Variants in CCDC178 observed in about 807,000 individuals in gnomAD.
CCDC178 encodes the protein coiled-coil domain-containing protein 178.
Under a neutral mutation model 117.4 loss-of-function variants are expected in CCDC178, and 126 were observed. The ratio of observed to expected loss-of-function variants is 1.07; its 90% CI spans 0.93 to 1.24. CCDC178 has a LOEUF of 1.24. Ranked by LOEUF, CCDC178 falls within the 50% of genes most tolerant of loss-of-function variation. The pLI is 0.00. For missense variants in CCDC178, 1,030 were observed against 986.9 expected, an observed-to-expected ratio of 1.04 and a Z score of -0.59; for synonymous variants, 283 against 313.4, an observed-to-expected ratio of 0.90 and a Z score of 1.02.
intron 21 of CCDC178, among the ~76,000 whole-genome samples, chr18:33,029,262 T>C (rs1398558896): frequency 2.0e-5 from 3 of 152,012 alleles, no homozygotes; most frequent in Non-Finnish European, 2.9e-5. Flanking sequence ...TTTCTAGGAA[T>C]ACATGAGTCT....
At chr18:33,284,877 G>A (rs1270373737) in intron 12 of CCDC178, among the ~76,000 whole-genome samples, 1 of 151,638 alleles carries the variant, frequency 6.6e-6, no homozygotes, top group Non-Finnish European at 1.5e-5. Context: ...AGAATATCAG[G>A]AAATGCAACT....
Position 33,406,161 on chromosome 18 carries a change from T to C in CCDC178, c.58+5870A>G, listed in dbSNP as rs1433137264. ...AATGTACAAAATACATATGTATAAA[T>C]GCATTTAAATATAAAAATGTAATGA... On this transcript the variant is annotated intron_variant, in intron 3 of 22. Coordinates refer to ENST00000383096, the MANE Select transcript of CCDC178 (RefSeq NM_001105528.4). Among the ~76,000 whole-genome samples, 20 of 152,056 alleles carry C rather than the reference T, an allele frequency of 1.3e-4. 1 individual carries two copies. The highest frequency in any genetic ancestry group is 1.3e-3 in the Admixed American group (20 of 15,242).
chr18:33,030,400 C>G (rs187204168), intron 21 of CCDC178, among the ~76,000 whole-genome samples: 3 of 152,040 alleles, frequency 2.0e-5, no homozygotes, highest in Admixed American at 2.0e-4. Flanking sequence ...ATGTTTTCTC[C>G]TCACCCAATC....
chr18:33,132,746 G>A (rs1191591315), intron 20 of CCDC178, among the ~76,000 whole-genome samples: 1 of 151,636 alleles, frequency 6.6e-6, no homozygotes. Flanking sequence ...CATTAACAGA[G>A]TAATTCCACA....
At chr18:33,396,867 T>C (rs1307711315) in intron 4 of CCDC178, among the ~76,000 whole-genome samples, 6 of 152,098 alleles carry the variant, frequency 3.9e-5, no homozygotes, top group Non-Finnish European at 7.4e-5. Flanking sequence ...TGCTTCCTCA[T>C]AATCATTTAT....
intron 2 of CCDC178, among the ~76,000 whole-genome samples, chr18:33,428,730 C>CAAAAA (rs35234261): frequency 7.1e-5 from 3 of 42,356 alleles, no homozygotes; most frequent in African/African-American, 9.0e-5. Context: ...GACTCTGTCT[C>CAAAAA]AAAAAAAAAA....
At chr18:33,003,606 C>A (rs1404187952) in intron 21 of CCDC178, among the ~76,000 whole-genome samples, 2 of 152,048 alleles carry the variant, frequency 1.3e-5, no homozygotes, top group East Asian at 3.8e-4. Context: ...CTGAGTCCTT[C>A]CTCTAAGATC....
At chr18:33,009,895 G>C (rs1485733198) in intron 21 of CCDC178, among the ~76,000 whole-genome samples, 1 of 152,080 alleles carries the variant, frequency 6.6e-6, no homozygotes, top group East Asian at 1.9e-4. Context: ...TTTATCTCAT[G>C]ATCTTTTTTA....
At chr18:33,098,901 T>C (rs1287671777) in intron 20 of CCDC178, among the ~76,000 whole-genome samples, 1 of 152,000 alleles carries the variant, frequency 6.6e-6, no homozygotes, top group Non-Finnish European at 1.5e-5. Flanking sequence ...GTGTGAAGAA[T>C]TCTATTCCAG....
At chr18:33,140,909 C>A (rs2058195814) in intron 20 of CCDC178, among the ~76,000 whole-genome samples, 1 of 152,140 alleles carries the variant, frequency 6.6e-6, no homozygotes, top group Admixed American at 6.5e-5. Flanking sequence ...ATGGGAGGAA[C>A]CCCATAGGAG....
intron 21 of CCDC178, among the ~76,000 whole-genome samples, chr18:33,021,978 T>C (rs1452572810): frequency 6.6e-6 from 1 of 152,216 alleles, no homozygotes; most frequent in Non-Finnish European, 1.5e-5. Context: ...GCAATAGGTA[T>C]ATAATTTCCT....
chr18:32,966,228 A>T (rs566368674), intron 22 of CCDC178, among the ~76,000 whole-genome samples: 8 of 151,718 alleles, frequency 5.3e-5, no homozygotes, highest in African/African-American at 1.9e-4. Flanking sequence ...TTGAAATCCT[A>T]CTCTCACTAT....
intron 6 of CCDC178, among the ~76,000 whole-genome samples, chr18:33,358,210 GA>G (rs1487715926): frequency 6.6e-6 from 1 of 151,884 alleles, no homozygotes; most frequent in East Asian, 1.9e-4. Context: ...ACCAAATAAT[GA>G]AAAAGACTAA....
intron 2 of CCDC178, among the ~76,000 whole-genome samples, chr18:33,414,878 C>T (rs2063911225): frequency 6.6e-6 from 1 of 152,146 alleles, no homozygotes; most frequent in Admixed American, 6.5e-5. Context: ...ACCCCATCAA[C>T]AAGTGGGCTA....
At chr18:33,401,846 C>T (rs985431014) in intron 3 of CCDC178, among the ~76,000 whole-genome samples, 1 of 151,924 alleles carries the variant, frequency 6.6e-6, no homozygotes, top group African/African-American at 2.4e-5. Flanking sequence ...AACAATCCAT[C>T]ATCAGAAGGT....
intron 20 of CCDC178, among the ~76,000 whole-genome samples, chr18:33,151,948 G>A (rs1376338640): frequency 2.6e-5 from 4 of 152,146 alleles, no homozygotes; most frequent in Non-Finnish European, 5.9e-5. Flanking sequence ...GGGATAGAGA[G>A]CAGATTAAAA....
intron 5 of CCDC178, among the ~76,000 whole-genome samples, chr18:33,381,095 G>A (rs2144793924): frequency 6.6e-6 from 1 of 152,290 alleles, no homozygotes; most frequent in Non-Finnish European, 1.5e-5. Context: ...AGAATAGTCA[G>A]TCCCTGTAAG....
At chr18:33,205,864 T>C (rs1260193932) in intron 20 of CCDC178, among the ~76,000 whole-genome samples, 1 of 152,138 alleles carries the variant, frequency 6.6e-6, no homozygotes. Flanking sequence ...CCAGGTAATT[T>C]TTGTACTTTT....
chr18:33,050,082 A>AAAAT (rs756932204), intron 21 of CCDC178, among the ~76,000 whole-genome samples: 17 of 152,076 alleles, frequency 1.1e-4, no homozygotes, highest in East Asian at 3.8e-4. Context: ...CTCCATCTCA[A>AAAAT]AAATAAATAA....
Sources: gnomAD v4.1 joint callset for allele counts (sites outside exome capture counted in the v4.1 genomes callset) on GRCh38, gnomAD v4.1.1 for gene constraint, MANE v1.5 for transcripts, NCBI Gene and HGNC (gene_info 2026-07-23, HGNC 2026-07-21) for gene names.